The following PCDHGB6 variants were observed in gnomAD, a reference collection of about 807,000 sequenced individuals.
The protein encoded by PCDHGB6 is protocadherin gamma-B6.
In PCDHGB6, 51 loss-of-function variants were observed where a neutral mutation model predicts 59.1. The ratio of observed to expected loss-of-function variants is 0.86; its 90% CI spans 0.69 to 1.09. The LOEUF (loss-of-function observed/expected upper bound fraction) is 1.09, where lower values mean the gene tolerates loss of function less well. Among genes scored for constraint, PCDHGB6 ranks in the 50% least tolerant of loss-of-function variants. PCDHGB6 has a pLI of 0.00. For synonymous variants in PCDHGB6, 466 were observed against 495.1 expected (o/e 0.94, Z 0.78); for missense variants, 1,148 against 1,205.1 (o/e 0.95, Z 0.70).
At chr5:141,419,017 A>G (rs1478763916) in intron 1 of PCDHGB6, 4 of 1,613,928 alleles carry the variant, frequency 2.5e-6, no homozygotes, top group Non-Finnish European at 3.4e-6. Flanking sequence ...GGTGTAGCTT[A>G]AGTAGAGGTG....
intron 1 of PCDHGB6, among the ~76,000 whole-genome samples, chr5:141,481,693 C>T (rs755007426): frequency 1.8e-4 from 27 of 152,020 alleles, no homozygotes; most frequent in Admixed American, 7.9e-4. Context: ...GTGGCTCACG[C>T]CTGTAATCCC....
intron 1 of PCDHGB6, among the ~76,000 whole-genome samples, chr5:141,426,006 G>C (rs1013613474): frequency 2.0e-5 from 3 of 152,104 alleles, no homozygotes; most frequent in African/African-American, 7.2e-5. Flanking sequence ...AAGGCTTCCG[G>C]CTGCAGTTTT....
intron 2 of PCDHGB6, among the ~76,000 whole-genome samples, chr5:141,501,018 G>A (rs1337771734): frequency 2.0e-5 from 3 of 151,882 alleles, no homozygotes; most frequent in East Asian, 1.9e-4. Context: ...ACAGGCACGC[G>A]CCACCACGCC....
chr5:141,437,074 A>G (rs1455066447), intron 1 of PCDHGB6, among the ~76,000 whole-genome samples: 1 of 152,250 alleles, frequency 6.6e-6, no homozygotes, highest in Non-Finnish European at 1.5e-5. Flanking sequence ...GGTTTGGGCC[A>G]TATAAGAATT....
At chr5:141,419,053 T>C in intron 1 of PCDHGB6, 1 of 1,613,954 alleles carries the variant, frequency 6.2e-7, no homozygotes, top group South Asian at 1.1e-5. Context: ...ATTCTTCTTC[T>C]AATAATTACT....
chr5:141,509,255 T>A (rs1434555633), intron 3 of PCDHGB6, among the ~76,000 whole-genome samples: 1 of 152,158 alleles, frequency 6.6e-6, no homozygotes, highest in African/African-American at 2.4e-5. Flanking sequence ...CCTCTCCGGC[T>A]TTAGTCACTC....
chr5:141,431,554 C>G lies in PCDHGB6; in HGVS notation c.2418+20934C>G. 1 of 1,614,126 alleles carries G rather than the reference C, an allele frequency of 6.2e-7. No homozygotes were observed. The highest frequency in any genetic ancestry group is 1.7e-5 in the Admixed American group (1 of 60,032). ...TGGGCACGCAGCTGCTTGTAGTCAA[C>G]GCTACCGACCCTGACGAAGGAGTCA... is the stretch of plus-strand genomic sequence containing the variant. On this transcript the variant is annotated intron_variant, in intron 1 of 3. Coordinates refer to ENST00000520790, the MANE Select transcript of PCDHGB6 (RefSeq NM_018926.3). This position sits in a 1 kb window ranked among gnomAD's most constrained non-coding sequence, Gnocchi z 4.8.
At chr5:141,465,757 T>C (rs2099108578) in intron 1 of PCDHGB6, among the ~76,000 whole-genome samples, 1 of 152,046 alleles carries the variant, frequency 6.6e-6, no homozygotes, top group South Asian at 2.1e-4. Context: ...ACTGGTAAAG[T>C]CATGTTTCAT....
In PCDHGB6 at chr5:141,421,851, T is replaced by A. The variant is rs771169063; in HGVS notation, c.2418+11231T>A. 16 of 1,613,596 alleles carry A rather than the reference T, an allele frequency of 9.9e-6. No homozygotes were observed. The Middle Eastern group carries it at 4.9e-4, about 50-fold the overall frequency. On this transcript the variant is annotated intron_variant, in intron 1 of 3. Coordinates refer to ENST00000520790, the MANE Select transcript of PCDHGB6 (RefSeq NM_018926.3). ...GCCTGGACCGAGAGAAAGAGGCTGC[T>A]CACCTGCTCCTCCTCACAGCTTTAG...
chr5:141,421,409 C>T, intron 1 of PCDHGB6: 1 of 1,614,026 alleles, frequency 6.2e-7, no homozygotes, highest in Non-Finnish European at 8.5e-7. Context: ...CGGGAGCTGG[C>T]GAAGCGCGGA....
Position 141,422,925 on chromosome 5 carries a change from T to C in PCDHGB6, c.2418+12305T>C, listed in dbSNP as rs568894245. ...ACAATGCGCCCGAGATCCTGTACCC[T>C]GCCCTCCCCACAGACGGCTCCACTG... On this transcript the variant is annotated intron_variant, in intron 1 of 3. Transcript: ENST00000520790. 1.4e-4 allele frequency: 220 copies of C among 1,614,202 alleles called. 2 individuals are homozygous for C. The South Asian group carries it at 2.2e-3, about 16-fold the overall frequency.
At chr5:141,492,384 C>T (rs1001189412) in intron 1 of PCDHGB6, among the ~76,000 whole-genome samples, 1 of 152,230 alleles carries the variant, frequency 6.6e-6, no homozygotes, top group African/African-American at 2.4e-5. Context: ...AGGCCTGTTC[C>T]GGTCCACTCG....
chr5:141,425,482 C>G (rs1257043728), intron 1 of PCDHGB6, among the ~76,000 whole-genome samples: 1 of 152,192 alleles, frequency 6.6e-6, no homozygotes, highest in East Asian at 1.9e-4. Flanking sequence ...CCTATGGCAA[C>G]CTACTAGGCT....
chr5:141,408,248 G>A lies in PCDHGB6; in HGVS notation c.46G>A (p.Val16Met). ...GAGGCGCCGGGCCGGCCCGCGGCAG[G>A]TGCTATTTCCTTTGCTGCTGCCTTT... ...AQRRRAGPRQ[V>M]LFPLLLPLFY... is the part of the protein sequence containing the mutation. The change falls in exon 1 of 4, where the codon GTG becomes ATG. Residue 16 changes from valine (V) to methionine (M), a missense_variant. By Grantham distance (21) the Val-to-Met change is conservative. Coordinates refer to ENST00000520790, the MANE Select transcript of PCDHGB6 (RefSeq NM_018926.3). The A allele has an allele frequency of 6.3e-7, 1 of 1,593,412 alleles. No homozygotes were observed. Among genetic ancestry groups the A allele is most frequent in the East Asian group, 2.3e-5 (1 of 43,858 alleles).
In PCDHGB6 at chr5:141,409,024, T is replaced by C. The variant is rs2095212064; in HGVS notation, c.822T>C (p.Asn274=). Residue 274 remains asparagine (N), a synonymous_variant, in exon 1 of 4, where the codon AAT becomes AAC. Coordinates refer to ENST00000520790, the MANE Select transcript of PCDHGB6 (RefSeq NM_018926.3). ...CCACTGACCAGGATGAGGGGGTCAATGCTGAGATAAACTACTACTTCCGAA... is the reference window on the plus strand; with the variant it reads ...CCACTGACCAGGATGAGGGGGTCAACGCTGAGATAAACTACTACTTCCGAA... ...VTATDQDEGV[N]AEINYYFRST... 1.2e-6 allele frequency: 2 copies of C among 1,613,988 alleles called. No homozygotes were observed. Among genetic ancestry groups the C allele is most frequent in the South Asian group, 1.1e-5 (1 of 91,078 alleles).
chr5:141,428,057 G>T, intron 1 of PCDHGB6: 1 of 1,609,044 alleles, frequency 6.2e-7, no homozygotes, highest in Non-Finnish European at 8.5e-7. Flanking sequence ...AGGTGGTGGC[G>T]GTGGACGCAG....
chr5:141,417,947 T>A (rs958624664), intron 1 of PCDHGB6: 53 of 1,613,420 alleles, frequency 3.3e-5, no homozygotes, highest in Middle Eastern at 1.7e-4. Context: ...CCCCACGCTG[T>A]GTGAGCCGAT....
At chr5:141,474,044 T>A (rs1442885504) in intron 1 of PCDHGB6, among the ~76,000 whole-genome samples, 3 of 152,162 alleles carry the variant, frequency 2.0e-5, no homozygotes. Context: ...TACTCCAGCC[T>A]GGATGACAGA....
chr5:141,501,891 T>G (rs2099811650), intron 2 of PCDHGB6, among the ~76,000 whole-genome samples: 1 of 152,128 alleles, frequency 6.6e-6, no homozygotes, highest in Admixed American at 6.5e-5. Context: ...CTGATCATCA[T>G]GGTTCCAACC....
Sources: allele counts gnomAD v4.1 joint callset (sites outside exome capture counted in the v4.1 genomes callset), GRCh38; gene constraint gnomAD v4.1.1; non-coding constraint Gnocchi (gnomAD v3.1); transcripts MANE v1.5; gene names NCBI Gene and HGNC (gene_info 2026-07-23, HGNC 2026-07-21).